GTPBP1: variants seen among roughly 807,000 people sequenced by gnomAD.
GTPBP1 encodes the protein GTP binding protein 1.
GTPBP1 carries 23 observed loss-of-function variants against 62.0 expected under a neutral mutation model. The ratio of observed to expected loss-of-function variants is 0.37; its 90% CI spans 0.27 to 0.53. GTPBP1 has a LOEUF of 0.53. GTPBP1 is among the 20% of genes least tolerant of loss of function. The probability of loss-of-function intolerance (pLI) is 0.89; values close to 1 mark genes in which losing one functional copy is unlikely to be tolerated. For synonymous variants in GTPBP1, 344 were observed against 364.4 expected, an observed-to-expected ratio of 0.94 and a Z score of 0.64; for missense variants, 640 against 917.3, an observed-to-expected ratio of 0.70 and a Z score of 3.90.
downstream of GTPBP1, chr22:38,741,452 C>G (rs755792939): frequency 4.4e-6 from 7 of 1,596,090 alleles, no homozygotes; most frequent in African/African-American, 1.3e-5. Context: ...TGGATGGGGT[C>G]AGGACCCAGT....
intron 2 of GTPBP1, among the ~76,000 whole-genome samples, chr22:38,713,305 T>G (rs926928850): frequency 6.6e-6 from 1 of 152,180 alleles, no homozygotes. Flanking sequence ...GTTAAGCAGT[T>G]GGGCCTGGGG....
intron 4 of GTPBP1, among the ~76,000 whole-genome samples, chr22:38,717,547 C>T (rs887090498): frequency 5.9e-5 from 9 of 152,188 alleles, no homozygotes; most frequent in Admixed American, 3.9e-4. Flanking sequence ...GATGATACAG[C>T]AATGAACAGG....
rs1318615889 is a variant in GTPBP1 at position 38,733,222 on chromosome 22, C to T, written c.*2518C>T. ...TGGTGCCTCCATAACAAGCGTCTGG[C>T]GTTGAGACCCCTGGCATGGCAGGGG... On this transcript the variant is annotated 3_prime_UTR_variant, in exon 12 of 12. Transcript: ENST00000216044. 1.3e-5 allele frequency: 2 copies of T among 152,288 alleles called. No individual in the cohort carries two copies. Among genetic ancestry groups the T allele is most frequent in the Non-Finnish European group, 2.9e-5 (2 of 68,064 alleles). 9.4% of individuals were successfully genotyped at this position (152,288 alleles called of 1,614,324 possible).
At chr22:38,740,343 G>A (rs1403464039), downstream of GTPBP1, 2 of 1,589,570 alleles carry the variant, frequency 1.3e-6, no homozygotes, top group Non-Finnish European at 1.7e-6. The surrounding 1 kb of genome is among the most constrained non-coding windows in gnomAD (Gnocchi z 4.8). Context: ...CAGTGCCAGA[G>A]CCGCCAGCTC....
At chr22:38,741,504 C>T (rs763323157), downstream of GTPBP1, 49 of 1,613,946 alleles carry the variant, frequency 3.0e-5, no homozygotes, top group Admixed American at 6.7e-5. Context: ...CTGGGAGGCC[C>T]GGACGATCTT....
chr22:38,722,958 C>T (rs562708888), intron 5 of GTPBP1: 26 of 905,514 alleles, frequency 2.9e-5, no homozygotes, highest in Non-Finnish European at 4.7e-5. Flanking sequence ...TATGAAGAGA[C>T]CTCTTAGTGC....
chr22:38,708,992 A>C (rs1463443876), intron 2 of GTPBP1, 36 bp downstream of exon 2: 2 of 1,326,018 alleles, frequency 1.5e-6, no homozygotes, highest in South Asian at 2.3e-5. Context: ...ATTTTTAAAA[A>C]TTATTGGGCC....
chr22:38,740,128 A>G, downstream of GTPBP1: 10 of 1,272,830 alleles, frequency 7.9e-6, no homozygotes, highest in East Asian at 2.5e-5. This position sits in a 1 kb window ranked among gnomAD's most constrained non-coding sequence, Gnocchi z 4.8. Flanking sequence ...GAGAGCCCAC[A>G]TGTGTCAAGG....
downstream of GTPBP1, chr22:38,733,597 C>T (rs1005397215): frequency 2.0e-5 from 3 of 152,310 alleles, no homozygotes; most frequent in African/African-American, 7.2e-5. Flanking sequence ...ATGGCAAGGC[C>T]TGACCCTTCT....
chr22:38,741,074 A>G (rs1199385286), downstream of GTPBP1: 1 of 1,585,754 alleles, frequency 6.3e-7, no homozygotes, highest in African/African-American at 1.3e-5. Context: ...AGGGACAAAT[A>G]CAAGAAATAC....
At chr22:38,741,467 G>T (rs2092856888), downstream of GTPBP1, 1 of 1,611,138 alleles carries the variant, frequency 6.2e-7, no homozygotes, top group South Asian at 1.1e-5. Context: ...CCCAGTCACA[G>T]GCCCTGAGTG....
intron 10 of GTPBP1, chr22:38,728,463 T>TA (rs1240452532): frequency 3.1e-5 from 12 of 390,326 alleles, no homozygotes; most frequent in Non-Finnish European, 5.8e-5. Flanking sequence ...CACAGGTTCC[T>TA]ATGGCCTCAC....
At chr22:38,725,626 T>C (rs1021713301) in intron 6 of GTPBP1, among the ~76,000 whole-genome samples, 2 of 152,072 alleles carry the variant, frequency 1.3e-5, no homozygotes, top group Non-Finnish European at 2.9e-5. Flanking sequence ...GCCAAAGGGC[T>C]GTGAGTGTTG....
chr22:38,737,139 G>T (rs1231340350), downstream of GTPBP1, among the ~76,000 whole-genome samples: 1 of 152,126 alleles, frequency 6.6e-6, no homozygotes, highest in South Asian at 2.1e-4. This position sits in a 1 kb window ranked among gnomAD's most constrained non-coding sequence, Gnocchi z 4.1. Flanking sequence ...GAGCCACCTC[G>T]TCTGGCCTCT....
downstream of GTPBP1, among the ~76,000 whole-genome samples, chr22:38,742,032 G>A (rs750915923): frequency 2.0e-5 from 3 of 151,988 alleles, no homozygotes; most frequent in African/African-American, 7.3e-5. Flanking sequence ...CCAGCTACTC[G>A]GGAGGCTGAG....
chr22:38,736,283 C>G (rs1279831999), downstream of GTPBP1: 1 of 1,613,462 alleles, frequency 6.2e-7, no homozygotes, highest in Non-Finnish European at 8.5e-7. Context: ...GGCGGGCTCC[C>G]CATGCACTCT....
At chr22:38,739,282 C>T (rs774069341), downstream of GTPBP1, 4 of 1,568,698 alleles carry the variant, frequency 2.5e-6, no homozygotes, top group Non-Finnish European at 2.6e-6. The surrounding 1 kb of genome is among the most constrained non-coding windows in gnomAD (Gnocchi z 6.7). Context: ...TGGTAGATGC[C>T]AGGGGACCGG....
Position 38,729,444 on chromosome 22 carries a change from T to C in GTPBP1, c.1717-18T>C. The C allele has an allele frequency of 6.4e-7, 1 of 1,573,342 alleles. No individual in the cohort carries two copies. The highest frequency in any genetic ancestry group is 8.6e-7 in the Non-Finnish European group (1 of 1,158,610). ...GCCCCGCAGCTCCAGCCTCAGCCTC[T>C]CTCCATGGCTCCCACAGCTCCTCCA... is the stretch of plus-strand genomic sequence containing the variant. On this transcript the variant is annotated intron_variant, in intron 10 of 11. Transcript: ENST00000216044.
downstream of GTPBP1, chr22:38,738,155 C>A: frequency 6.2e-7 from 1 of 1,612,146 alleles, no homozygotes; most frequent in Non-Finnish European, 8.5e-7. The surrounding 1 kb of genome is among the most constrained non-coding windows in gnomAD (Gnocchi z 6.6). Flanking sequence ...CTTCTGCTAG[C>A]ACAGCAGCAT....
Sources: gnomAD v4.1 joint callset for allele counts (sites outside exome capture counted in the v4.1 genomes callset) on GRCh38, gnomAD v4.1.1 for gene constraint, Gnocchi (gnomAD v3.1) non-coding constraint, MANE v1.5 for transcripts, NCBI Gene and HGNC (gene_info 2026-07-23, HGNC 2026-07-21) for gene names.